ZFR2: variants seen among roughly 807,000 people sequenced by gnomAD.
ZFR2 encodes zinc finger RNA binding protein 2.
In ZFR2, 104 loss-of-function variants were observed where a neutral mutation model predicts 105.7. The ratio of observed to expected loss-of-function variants is 0.98; its 90% CI spans 0.84 to 1.16. ZFR2 has a LOEUF of 1.16. Among genes scored for constraint, ZFR2 ranks in the 50% most tolerant of loss-of-function variants. The pLI is 0.00. For missense variants in ZFR2, 1,425 were observed against 1,355.5 expected, an observed-to-expected ratio of 1.05 and a Z score of -0.80; for synonymous variants, 634 against 597.7, an observed-to-expected ratio of 1.06 and a Z score of -0.89.
intron 1 of ZFR2, among the ~76,000 whole-genome samples, chr19:3,845,325 A>T (rs530202603): frequency 6.6e-6 from 1 of 152,100 alleles, no homozygotes; most frequent in African/African-American, 2.4e-5. Context: ...TTTTTATTAC[A>T]GAAGTATAAA....
chr19:3,818,232 G>A (rs1429021746), intron 12 of ZFR2, among the ~76,000 whole-genome samples: 3 of 152,370 alleles, frequency 2.0e-5, no homozygotes, highest in Non-Finnish European at 2.9e-5. Flanking sequence ...TTGGGAGGCC[G>A]AGGTGGGAGG....
intron 1 of ZFR2, among the ~76,000 whole-genome samples, chr19:3,849,315 T>G (rs1599249661): frequency 6.6e-6 from 1 of 152,234 alleles, no homozygotes; most frequent in African/African-American, 2.4e-5. Flanking sequence ...TGTCTCCACC[T>G]GGTGGACACC....
intron 1 of ZFR2, 123 bp from the exon 2 acceptor site, chr19:3,835,106 C>G: frequency 8.8e-7 from 1 of 1,140,678 alleles, no homozygotes; most frequent in Non-Finnish European, 1.3e-6. Context: ...GGAGACCCTC[C>G]TAGGAGCCCA....
intron 13 of ZFR2, among the ~76,000 whole-genome samples, chr19:3,815,594 ATTTC>A (rs1024121392): frequency 1.3e-5 from 2 of 151,896 alleles, no homozygotes; most frequent in African/African-American, 4.8e-5. Flanking sequence ...CTCTTTTTGA[ATTTC>A]TTTTGAGACT....
Position 3,858,864 on chromosome 19 carries a change from G to A in ZFR2, c.53+10101C>T, listed in dbSNP as rs1367526934. On this transcript the variant is annotated intron_variant, in intron 1 of 18. Transcript: ENST00000262961. This position sits in a 1 kb window ranked among gnomAD's most constrained non-coding sequence, Gnocchi z 4.3. ...TTAAAAACAAGGACTCTTTCTTCCC[G>A]AACACAGCTCATCACCTATTTCTCT... Among the ~76,000 whole-genome samples the A allele has an allele frequency of 1.3e-5, 2 of 152,102 alleles. No homozygotes were observed. The highest frequency in any genetic ancestry group is 6.6e-5 in the Admixed American group (1 of 15,264).
intron 13 of ZFR2, among the ~76,000 whole-genome samples, chr19:3,814,486 C>T (rs1247712559): frequency 6.6e-6 from 1 of 152,214 alleles, no homozygotes; most frequent in African/African-American, 2.4e-5. Context: ...CTGAGCCTGG[C>T]CTCCCACCTG....
chr19:3,820,107 C>G, intron 11 of ZFR2, 75 bp downstream of exon 11: 1 of 1,434,050 alleles, frequency 7.0e-7, no homozygotes, highest in South Asian at 1.2e-5. Flanking sequence ...GAGGCCGGGT[C>G]CTCCCGAGGA....
At position 3,836,123 on chromosome 19, in the gene ZFR2, G is replaced by T. The variant is rs145181619; in HGVS notation, c.54-1140C>A. On this transcript the variant is annotated intron_variant, in intron 1 of 18. Transcript: ENST00000262961. ...ATCCCATATACTGTAAATCATCTCT[G>T]GATTACTTATAATACCTAATACAAT... is the stretch of plus-strand genomic sequence containing the variant. 2.3e-3 allele frequency among the ~76,000 whole-genome samples: 350 copies of T among 152,052 alleles called. 1 individual carries two copies. The highest frequency in any genetic ancestry group is 7.9e-3 in the African/African-American group (328 of 41,432).
At chr19:3,818,766 C>T (rs964175129) in intron 12 of ZFR2, among the ~76,000 whole-genome samples, 3 of 152,226 alleles carry the variant, frequency 2.0e-5, no homozygotes, top group African/African-American at 7.2e-5. Context: ...GACTGTCAGT[C>T]CCTTGTGAAC....
At chr19:3,852,367 C>G in intron 1 of ZFR2, 1 of 656,306 alleles carries the variant, frequency 1.5e-6, no homozygotes. Flanking sequence ...CTGGGCTTCT[C>G]TGCCCCTGGA....
chr19:3,823,430 AC>A lies in ZFR2; in HGVS notation c.1214-28del. ...TGAGGGGAAAAACCATGTCACTTAT[AC>A]CCTGTTCCAGGAGAAAGCACTGCAG... On this transcript the variant is annotated intron_variant, in intron 7 of 18. Coordinates refer to ENST00000262961, the MANE Select transcript of ZFR2 (RefSeq NM_015174.2). This position sits in a 1 kb window ranked among gnomAD's most constrained non-coding sequence, Gnocchi z 5.4. The A allele has an allele frequency of 6.4e-7, 1 of 1,562,674 alleles. No individual in the cohort carries two copies. Among genetic ancestry groups the A allele is most frequent in the Non-Finnish European group, 8.7e-7 (1 of 1,155,266 alleles).
At chr19:3,814,331 A>G (rs191973901) in intron 13 of ZFR2, among the ~76,000 whole-genome samples, 3 of 152,354 alleles carry the variant, frequency 2.0e-5, no homozygotes, top group Admixed American at 1.3e-4. Flanking sequence ...AGTGACACAC[A>G]TTACCCCATA....
chr19:3,839,693 A>G (rs1269938837), intron 1 of ZFR2, among the ~76,000 whole-genome samples: 1 of 152,076 alleles, frequency 6.6e-6, no homozygotes, highest in Non-Finnish European at 1.5e-5. Flanking sequence ...TGAGATGGGT[A>G]AGTGCTAATG....
intron 12 of ZFR2, among the ~76,000 whole-genome samples, chr19:3,818,129 T>TA (rs552053261): frequency 3.3e-5 from 5 of 152,270 alleles, no homozygotes; most frequent in Non-Finnish European, 4.4e-5. Context: ...ACTGTGCACT[T>TA]AGACAGGTTA....
intron 13 of ZFR2, among the ~76,000 whole-genome samples, chr19:3,814,574 C>T (rs1599222858): frequency 6.6e-6 from 1 of 152,212 alleles, no homozygotes. Flanking sequence ...CAGGGGGCTC[C>T]GTTGACATTA....
chr19:3,825,285 G>T lies in ZFR2; in HGVS notation c.1158C>A (p.Ala386=). Residue 386 remains alanine (A), a synonymous_variant, in exon 7 of 19, where the codon GCC becomes GCA. Transcript: ENST00000262961. ...PTSPTGPSVC[A]SSRPALAKRP... is the part of the protein sequence containing the mutation. ...TCTTGGCCAGCGCTGGCCTGCTCGA[G>T]GCACACACGCTGGGGCCAGTGGGGG... The T allele has an allele frequency of 6.3e-7, 1 of 1,577,102 alleles. No homozygotes were observed. The highest frequency in any genetic ancestry group is 2.3e-5 in the East Asian group (1 of 43,712).
intron 15 of ZFR2, 89 bp from the exon 16 acceptor site, chr19:3,810,934 G>A: frequency 6.3e-6 from 9 of 1,420,806 alleles, no homozygotes; most frequent in Middle Eastern, 1.8e-4. Context: ...TGAACCCCAG[G>A]GAGGATAATA....
At chr19:3,848,448 C>T (rs1030505386) in intron 1 of ZFR2, among the ~76,000 whole-genome samples, 1 of 152,080 alleles carries the variant, frequency 6.6e-6, no homozygotes, top group African/African-American at 2.4e-5. Context: ...TGGTGTCTCA[C>T]ACCTGTAATC....
In ZFR2 at chr19:3,868,175, C is replaced by G. The variant is rs2038455424; in HGVS notation, c.53+790G>C. Among the ~76,000 whole-genome samples the G allele has an allele frequency of 2.7e-5, 4 of 150,550 alleles. No individual in the cohort carries two copies. In the South Asian group the frequency reaches 8.4e-4, roughly 32 times the overall value. ...AGCTCTCCCCCTGTCCAGCCAGACA[C>G]CCTCCCAGGTTTCTGTCTTCTCTCT... On this transcript the variant is annotated intron_variant, in intron 1 of 18. Coordinates refer to ENST00000262961, the MANE Select transcript of ZFR2 (RefSeq NM_015174.2).
Sources: allele counts gnomAD v4.1 joint callset (sites outside exome capture counted in the v4.1 genomes callset), GRCh38; gene constraint gnomAD v4.1.1; non-coding constraint Gnocchi (gnomAD v3.1); transcripts MANE v1.5; gene names NCBI Gene and HGNC (gene_info 2026-07-23, HGNC 2026-07-21).